The following PPARA variants were observed in gnomAD, a reference collection of about 807,000 sequenced individuals.
The protein encoded by PPARA is peroxisome proliferator activated receptor alpha.
PPARA carries 22 observed loss-of-function variants against 42.2 expected under a neutral mutation model. The ratio of observed to expected loss-of-function variants is 0.52; its 90% CI spans 0.37 to 0.74. PPARA has a LOEUF of 0.74. PPARA is among the 30% of genes least tolerant of loss of function. The pLI, the probability that PPARA is intolerant of heterozygous loss-of-function variation, is 0.00. For missense variants in PPARA, 465 were observed against 608.2 expected (o/e 0.76, Z 2.48); for synonymous variants, 242 against 239.3 (o/e 1.01, Z -0.10).
In PPARA at chr22:46,187,362, C is replaced by T. The variant is rs1257285000; in HGVS notation, c.-43+10526C>T. 6.6e-6 allele frequency among the ~76,000 whole-genome samples: 1 copy of T among 152,244 alleles called. No homozygotes were observed. Among genetic ancestry groups the T allele is most frequent in the Admixed American group, 6.5e-5 (1 of 15,280 alleles). ...TTCCAAATTTCGTGGGTGCCACCTC[C>T]TCTGCCCAGTGACTTAAGCCAGAGC... On this transcript the variant is annotated intron_variant, in intron 3 of 8. Transcript: ENST00000407236. The surrounding 1 kb of genome is among the most constrained non-coding windows in gnomAD (Gnocchi z 4.9).
rs990990236 is a variant in PPARA, at chr22:46,227,906, A to C, written c.712-3886A>C. On this transcript the variant is annotated intron_variant, in intron 7 of 8. Transcript: ENST00000407236. The surrounding 1 kb of genome is among the most constrained non-coding windows in gnomAD (Gnocchi z 4.3). ...CCAAGAATGTTTATCCATAAAGTTT[A>C]GCGAATTTGCAAGTGTGTTTTTCAA... Among the ~76,000 whole-genome samples, 7 of 152,330 alleles carry C rather than the reference A, an allele frequency of 4.6e-5. No homozygotes were observed. In the South Asian group the frequency reaches 1.5e-3, roughly 32 times the overall value.
rs1935910586 is a variant in PPARA, at chr22:46,232,037, C to T, written c.957C>T (p.Ala319=). ...ACGGAGTTTATGAGGCCATATTCGCCATGCTGTCTTCTGTGATGAACAAAG... is the reference window on the plus strand; with the variant it reads ...ACGGAGTTTATGAGGCCATATTCGCTATGCTGTCTTCTGTGATGAACAAAG... ...LKYGVYEAIF[A]MLSSVMNKDG... The change falls in exon 8 of 9, where the codon GCC becomes GCT. Residue 319 remains alanine (A), a synonymous_variant. Coordinates refer to ENST00000407236, the MANE Select transcript of PPARA (RefSeq NM_005036.6). This position sits in a 1 kb window ranked among gnomAD's most constrained non-coding sequence, Gnocchi z 5.3. The T allele has an allele frequency of 1.2e-6, 2 of 1,614,092 alleles. No individual in the cohort carries two copies. Among genetic ancestry groups the T allele is most frequent in the Admixed American group, 1.7e-5 (1 of 60,010 alleles).
rs1935047590 is a variant in PPARA, at chr22:46,222,036, C to T, written c.711+2022C>T. ...AGGTTGCAGTGAGCTGAGATCGCAC[C>T]ACTGCACTCCAGCTTGGGCAACAGA... On this transcript the variant is annotated intron_variant, in intron 7 of 8. Coordinates refer to ENST00000407236, the MANE Select transcript of PPARA (RefSeq NM_005036.6). The surrounding 1 kb of genome is among the most constrained non-coding windows in gnomAD (Gnocchi z 5.9). Among the ~76,000 whole-genome samples, 1 of 151,924 alleles carries T rather than the reference C, an allele frequency of 6.6e-6. No individual in the cohort carries two copies. Among genetic ancestry groups the T allele is most frequent in the Non-Finnish European group, 1.5e-5 (1 of 67,974 alleles).
rs1220125013 is a variant in PPARA, at chr22:46,162,014, C to T, written c.-127+10044C>T. ...TGTCCTGCGTTTTCCCCTCCCCTCACCCTGGCGACCCTTTTCGGTCTCAGT... is the reference window on the plus strand; with the variant it reads ...TGTCCTGCGTTTTCCCCTCCCCTCATCCTGGCGACCCTTTTCGGTCTCAGT... On this transcript the variant is annotated intron_variant, in intron 2 of 8. Coordinates refer to ENST00000407236, the MANE Select transcript of PPARA (RefSeq NM_005036.6). The surrounding 1 kb of genome is among the most constrained non-coding windows in gnomAD (Gnocchi z 6.0). Among the ~76,000 whole-genome samples the T allele has an allele frequency of 1.3e-5, 2 of 152,192 alleles. No homozygotes were observed. Among genetic ancestry groups the T allele is most frequent in the African/African-American group, 2.4e-5 (1 of 41,452 alleles).
intron 3 of PPARA, among the ~76,000 whole-genome samples, chr22:46,177,806 G>T (rs4253677): frequency 0.011 from 1,611 of 152,004 alleles, 25 homozygotes; most frequent in African/African-American, 0.037. Flanking sequence ...AGTGAGACAG[G>T]TCAGAACCTC....
Position 46,188,734 on chromosome 22 carries a change from C to T in PPARA, c.-42-9608C>T, listed in dbSNP as rs144823729. 1 of 152,348 alleles carries T rather than the reference C, an allele frequency of 6.6e-6. No individual in the cohort carries two copies. Among genetic ancestry groups the T allele is most frequent in the African/African-American group, 2.4e-5 (1 of 41,562 alleles). The allele number at this position is 152,348 out of a possible 1,614,324, so 9.4% of individuals were successfully genotyped here. ...CCTTCCCGTGCCAGTGCCACACCCC[C>T]CTGTCCCAGTGCACTGGGGCTGTGG... is the stretch of plus-strand genomic sequence containing the variant. On this transcript the variant is annotated intron_variant, in intron 3 of 8. Transcript: ENST00000407236. This position sits in a 1 kb window ranked among gnomAD's most constrained non-coding sequence, Gnocchi z 5.0.
Position 46,216,740 on chromosome 22 carries a change from G to A in PPARA, c.369+1407G>A, listed in dbSNP as rs1379022378. 2.0e-5 allele frequency among the ~76,000 whole-genome samples: 3 copies of A among 152,174 alleles called. No individual in the cohort carries two copies. Among genetic ancestry groups the A allele is most frequent in the South Asian group, 2.1e-4 (1 of 4,828 alleles). ...CCTAAACAGATGTGACCTGGGCCAG[G>A]AGTGCATGAAGGCAGGCCCTGTTGT... On this transcript the variant is annotated intron_variant, in intron 5 of 8. Transcript: ENST00000407236. This position sits in a 1 kb window ranked among gnomAD's most constrained non-coding sequence, Gnocchi z 4.5.
chr22:46,193,418 AT>A lies in PPARA; in HGVS notation c.-42-4919del, dbSNP rs1024777237. 5.3e-5 allele frequency among the ~76,000 whole-genome samples: 8 copies of A among 152,150 alleles called. No individual in the cohort carries two copies. The highest frequency in any genetic ancestry group is 8.8e-5 in the Non-Finnish European group (6 of 68,024). On this transcript the variant is annotated intron_variant, in intron 3 of 8. Coordinates refer to ENST00000407236, the MANE Select transcript of PPARA (RefSeq NM_005036.6). This position sits in a 1 kb window ranked among gnomAD's most constrained non-coding sequence, Gnocchi z 5.3. ...ATAGTCAATAATAACTTAATGGTAT[AT>A]TTTTAAATAACTTAAAGAGTATAAT...
In PPARA at chr22:46,171,028, G is replaced by T. The variant is rs1254979150; in HGVS notation, c.-126-5725G>T. 6.6e-6 allele frequency among the ~76,000 whole-genome samples: 1 copy of T among 152,046 alleles called. No homozygotes were observed. Among genetic ancestry groups the T allele is most frequent in the Non-Finnish European group, 1.5e-5 (1 of 68,004 alleles). On this transcript the variant is annotated intron_variant, in intron 2 of 8. Transcript: ENST00000407236. The surrounding 1 kb of genome is among the most constrained non-coding windows in gnomAD (Gnocchi z 5.0). ...ATACAAAAATTAGCCAGGCACAATG[G>T]CAGGTACCTGTAATCCCAGCTACTT...
rs1934502611 is a variant in PPARA, at chr22:46,216,447, A to C, written c.369+1114A>C. Among the ~76,000 whole-genome samples, 1 of 152,116 alleles carries C rather than the reference A, an allele frequency of 6.6e-6. No individual in the cohort carries two copies. The highest frequency in any genetic ancestry group is 6.5e-5 in the Admixed American group (1 of 15,276). Reference sequence around the variant, plus strand: ...TAAGAACATCACTTCATTCGAATACAAGACAGAGAGCTGTTACCGTTGATC... The same window carrying C: ...TAAGAACATCACTTCATTCGAATACCAGACAGAGAGCTGTTACCGTTGATC... On this transcript the variant is annotated intron_variant, in intron 5 of 8. Coordinates refer to ENST00000407236, the MANE Select transcript of PPARA (RefSeq NM_005036.6). The surrounding 1 kb of genome is among the most constrained non-coding windows in gnomAD (Gnocchi z 4.5).
chr22:46,186,266 G>C (rs58700656), intron 3 of PPARA, among the ~76,000 whole-genome samples: 1 of 152,016 alleles, frequency 6.6e-6, no homozygotes, highest in African/African-American at 2.4e-5. Flanking sequence ...ACATGTCTCA[G>C]ACATTGTCTT....
chr22:46,176,998 T>G (rs4253664), intron 3 of PPARA, among the ~76,000 whole-genome samples, 162 bp downstream of exon 3: 1 of 152,034 alleles, frequency 6.6e-6, no homozygotes, highest in Non-Finnish European at 1.5e-5. Flanking sequence ...ATCACGAGGT[T>G]AGGAGATTGA....
intron 7 of PPARA, among the ~76,000 whole-genome samples, chr22:46,223,088 C>T (rs1446628770): frequency 6.6e-6 from 1 of 152,102 alleles, no homozygotes; most frequent in South Asian, 2.1e-4. Context: ...GCCAGGAGTT[C>T]AAGGCTGCAG....
In PPARA at chr22:46,210,234, G is replaced by T. The variant is rs144475222; in HGVS notation, c.209-4939G>T. Among the ~76,000 whole-genome samples, 1,436 of 147,540 alleles carry T rather than the reference G, an allele frequency of 9.7e-3. 20 individuals are homozygous for T. The highest frequency in any genetic ancestry group is 0.034 in the African/African-American group (1,355 of 39,874). ...TGAGGCAGGAGAATTGCTTGAACCC[G>T]GGAGGCAGAGGTTGTGGTGAGCCGA... On this transcript the variant is annotated intron_variant, in intron 4 of 8. Transcript: ENST00000407236.
chr22:46,235,075 A>G lies in PPARA; in HGVS notation c.1160-58A>G, dbSNP rs1011335373. On this transcript the variant is annotated intron_variant, in intron 8 of 8. Coordinates refer to ENST00000407236, the MANE Select transcript of PPARA (RefSeq NM_005036.6). The surrounding 1 kb of genome is among the most constrained non-coding windows in gnomAD (Gnocchi z 7.0). ...TAGGCATGTTTGGTTCCTGAAACTG[A>G]TAAGCAGTTCTTGGGTGATTATCAC... 8.7e-6 allele frequency: 14 copies of G among 1,610,798 alleles called. No individual in the cohort carries two copies. The highest frequency in any genetic ancestry group is 1.2e-5 in the Non-Finnish European group (14 of 1,177,180).
Position 46,173,593 on chromosome 22 carries a change from GA to G in PPARA, c.-126-3156del, listed in dbSNP as rs4253656. Among the ~76,000 whole-genome samples the G allele has an allele frequency of 9.9e-3, 1,507 of 152,274 alleles. 28 individuals are homozygous for G. Among genetic ancestry groups the G allele is most frequent in the African/African-American group, 0.035 (1,451 of 41,548 alleles). ...AAATGTCAGTATCATAAAAGACAAA[GA>G]AAAGCTGCGGAAATGTTTCAGATTA... On this transcript the variant is annotated intron_variant, in intron 2 of 8. Transcript: ENST00000407236. The surrounding 1 kb of genome is among the most constrained non-coding windows in gnomAD (Gnocchi z 4.3).
At position 46,234,603 on chromosome 22, in the gene PPARA, A is replaced by G. The variant is rs1471725303; in HGVS notation, c.1160-530A>G. Among the ~76,000 whole-genome samples the G allele has an allele frequency of 1.3e-5, 2 of 152,076 alleles. No individual in the cohort carries two copies. The highest frequency in any genetic ancestry group is 2.9e-5 in the Non-Finnish European group (2 of 68,008). Reference sequence around the variant, plus strand: ...CTGCAATCTCCGTCTCCCAGGTTCAAGCGATTCTCCCACCTCAGCCTCCCG... The same window carrying G: ...CTGCAATCTCCGTCTCCCAGGTTCAGGCGATTCTCCCACCTCAGCCTCCCG... On this transcript the variant is annotated intron_variant, in intron 8 of 8. Transcript: ENST00000407236. The surrounding 1 kb of genome is among the most constrained non-coding windows in gnomAD (Gnocchi z 5.8).
rs1385019874 is a variant in PPARA, at chr22:46,184,773, T to C, written c.-43+7937T>C. ...GGGAGGCTGAGGCACGAGAATTGCT[T>C]TAACCTGGGAGGTGGAGGTTGCAGT... On this transcript the variant is annotated intron_variant, in intron 3 of 8. Transcript: ENST00000407236. This position sits in a 1 kb window ranked among gnomAD's most constrained non-coding sequence, Gnocchi z 4.4. Among the ~76,000 whole-genome samples the C allele has an allele frequency of 6.6e-6, 1 of 152,202 alleles. No individual in the cohort carries two copies. The highest frequency in any genetic ancestry group is 1.5e-5 in the Non-Finnish European group (1 of 68,028).
Position 46,216,615 on chromosome 22 carries a change from G to A in PPARA, c.369+1282G>A, listed in dbSNP as rs1601778895. 6.6e-6 allele frequency among the ~76,000 whole-genome samples: 1 copy of A among 152,278 alleles called. No individual in the cohort carries two copies. Among genetic ancestry groups the A allele is most frequent in the African/African-American group, 2.4e-5 (1 of 41,564 alleles). On this transcript the variant is annotated intron_variant, in intron 5 of 8. Transcript: ENST00000407236. This position sits in a 1 kb window ranked among gnomAD's most constrained non-coding sequence, Gnocchi z 4.5. ...CTGGAACCAGAGACTGGCTGCTCCTGCTCCCCAGCAGTTCCTTCCTGCACA... is the reference window on the plus strand; with the variant it reads ...CTGGAACCAGAGACTGGCTGCTCCTACTCCCCAGCAGTTCCTTCCTGCACA...
Sources: gnomAD v4.1 joint callset for allele counts (sites outside exome capture counted in the v4.1 genomes callset) on GRCh38, gnomAD v4.1.1 for gene constraint, Gnocchi (gnomAD v3.1) non-coding constraint, MANE v1.5 for transcripts, NCBI Gene and HGNC (gene_info 2026-07-23, HGNC 2026-07-21) for gene names.